The following VWA5B1 variants were observed in gnomAD, a reference collection of about 807,000 sequenced individuals.
VWA5B1 encodes the protein von Willebrand factor A domain containing 5B1.
Under a neutral mutation model 118.2 loss-of-function variants are expected in VWA5B1, and 115 were observed. That is an observed-to-expected ratio of 0.97 (90% CI 0.84 to 1.14). The LOEUF (loss-of-function observed/expected upper bound fraction) is 1.14. VWA5B1 is among the 50% of genes most tolerant of loss of function. The pLI is 0.00. For missense variants in VWA5B1, 1,596 were observed against 1,603.8 expected, an observed-to-expected ratio of 1.00 and a Z score of 0.08; for synonymous variants, 682 against 658.4, an observed-to-expected ratio of 1.04 and a Z score of -0.55.
At chr1:20,292,567 G>A (rs546416752) in intron 1 of VWA5B1, among the ~76,000 whole-genome samples, 92 of 152,346 alleles carry the variant, frequency 6.0e-4, no homozygotes, top group African/African-American at 2.0e-3. Context: ...ATGTGTTTAC[G>A]TGTTTGTGGG....
intron 11 of VWA5B1, among the ~76,000 whole-genome samples, chr1:20,331,275 T>C (rs1258788881): frequency 1.3e-5 from 2 of 152,204 alleles, no homozygotes; most frequent in African/African-American, 4.8e-5. Context: ...ATTGAAGTTG[T>C]GTTTGAGGTC....
chr1:20,339,729 C>T (rs569221420), intron 14 of VWA5B1, among the ~76,000 whole-genome samples: 1 of 151,876 alleles, frequency 6.6e-6, no homozygotes, highest in African/African-American at 2.4e-5. Flanking sequence ...AGGGACACTG[C>T]AATCTTATCC....
chr1:20,345,011 C>T (rs4654858), intron 16 of VWA5B1, among the ~76,000 whole-genome samples: 47,667 of 152,080 alleles, frequency 0.31, 7,770 homozygotes, highest in East Asian at 0.39. Context: ...CACCACTCTC[C>T]TCTGATTTGC....
chr1:20,319,590 G>T, intron 7 of VWA5B1, 84 bp downstream of exon 7: 1 of 1,517,872 alleles, frequency 6.6e-7, no homozygotes, highest in East Asian at 2.5e-5. Context: ...AGTGAGGTGG[G>T]GAGGTAACCT....
chr1:20,297,318 G>A (rs181800965), intron 1 of VWA5B1, among the ~76,000 whole-genome samples: 14 of 152,334 alleles, frequency 9.2e-5, no homozygotes, highest in African/African-American at 2.9e-4. Context: ...TGCCTCTAAC[G>A]GAGGCTCCTT....
rs112696373 is a variant in VWA5B1 at position 20,310,727 on chromosome 1, C to T, written c.126C>T (p.Ala42=). The T allele has an allele frequency of 5.8e-6, 9 of 1,547,852 alleles. No homozygotes were observed. In the African/African-American group the frequency reaches 6.8e-5, roughly 12 times the overall value. The stretch of plus-strand genomic sequence containing the variant: ...CCCTCACCTATGGCAACCTGGAAGC[C>T]CAGCCCTTCCAGGGTAAGGACACCT... ...TASLTYGNLE[A]QPFQGLFVYP... The change falls in exon 2 of 22, where the codon GCC becomes GCT. Residue 42 remains alanine (A), a synonymous_variant. Transcript: ENST00000289815.
chr1:20,309,283 C>T (rs546532779), intron 1 of VWA5B1, among the ~76,000 whole-genome samples: 4 of 152,208 alleles, frequency 2.6e-5, no homozygotes, highest in African/African-American at 7.2e-5. Context: ...TAACAGACAT[C>T]GCTCAGAAAC....
At chr1:20,313,293 A>G (rs1015603475) in intron 3 of VWA5B1, among the ~76,000 whole-genome samples, 3 of 152,250 alleles carry the variant, frequency 2.0e-5, no homozygotes, top group East Asian at 1.9e-4. Context: ...ACAGAATAAC[A>G]TATCTTTTAA....
At chr1:20,331,425 T>G (rs1459207287) in intron 11 of VWA5B1, among the ~76,000 whole-genome samples, 1 of 152,218 alleles carries the variant, frequency 6.6e-6, no homozygotes, top group Non-Finnish European at 1.5e-5. Flanking sequence ...AATCCCCTTG[T>G]CAGTCCAGTA....
At chr1:20,310,508 C>T (rs372073656) in intron 1 of VWA5B1, 68 bp from the exon 2 acceptor site, 91 of 1,389,102 alleles carry the variant, frequency 6.6e-5, no homozygotes, top group East Asian at 4.9e-4. Flanking sequence ...GTGTCTGAAA[C>T]GGGAAAACTA....
chr1:20,358,367 T>C lies in VWA5B1; in HGVS notation c.*4104T>C, dbSNP rs1291342304. On this transcript the variant is annotated 3_prime_UTR_variant, in exon 22 of 22. Transcript: ENST00000289815. The stretch of plus-strand genomic sequence containing the variant: ...GTTTCCTCTAGATCCTGACTTGCCC[T>C]CTGTTAATCCCTACCCTTATTTGAG... 1.3e-5 allele frequency among the ~76,000 whole-genome samples: 2 copies of C among 152,206 alleles called. No homozygotes were observed. The highest frequency in any genetic ancestry group is 4.8e-5 in the African/African-American group (2 of 41,454).
At position 20,318,691 on chromosome 1, in the gene VWA5B1, C is replaced by T. The variant is rs377682379; in HGVS notation, c.811C>T (p.Arg271Trp). 4.8e-5 allele frequency: 74 copies of T among 1,527,798 alleles called. No individual in the cohort carries two copies. In the Middle Eastern group the frequency reaches 8.5e-4, roughly 18 times the overall value. 94.6% of individuals were successfully genotyped at this position (1,527,798 alleles called of 1,614,324 possible). The change falls in exon 6 of 22, where the codon CGG (arginine) becomes TGG (tryptophan). Residue 271 changes from arginine to tryptophan, a missense_variant. By Grantham distance (101) the Arg-to-Trp change is moderately radical. Transcript: ENST00000289815. Reference sequence around the variant, plus strand: ...CTTGGCCAACAAGCACACCTTTGACCGGCCTGTGGAGATCCTCATCCACCC... The same window carrying T: ...CTTGGCCAACAAGCACACCTTTGACTGGCCTGTGGAGATCCTCATCCACCC... ...ITLANKHTFDRPVEILIHPSE... is the reference protein window; with the variant it reads ...ITLANKHTFDWPVEILIHPSE...
rs765071884 is a variant in VWA5B1 at position 20,354,246 on chromosome 1, A to G, written c.3631A>G (p.Asn1211Asp). The G allele has an allele frequency of 2.6e-6, 4 of 1,547,294 alleles. No individual in the cohort carries two copies. Among genetic ancestry groups the G allele is most frequent in the Middle Eastern group, 1.7e-4 (1 of 5,972 alleles). The change falls in exon 22 of 22, where the codon AAC becomes GAC. Residue 1211 changes from asparagine to aspartate, a missense_variant. Physicochemically the swap from Asn to Asp is conservative, Grantham distance 23. Coordinates refer to ENST00000289815, the MANE Select transcript of VWA5B1 (RefSeq NM_001039500.3). The stretch of plus-strand genomic sequence containing the variant: ...TCTCGAGTTCAATATGCTCTGCTAT[A>G]ACCCGAATTATGTGTAGTTGAGTGA... ...ENLEFNMLCY[N>D]PNYV
rs2101037310 is a variant in VWA5B1, at chr1:20,355,686, T to C, written c.*1423T>C. Among the ~76,000 whole-genome samples the C allele has an allele frequency of 6.6e-6, 1 of 152,304 alleles. No homozygotes were observed. Among genetic ancestry groups the C allele is most frequent in the Admixed American group, 6.5e-5 (1 of 15,308 alleles). On this transcript the variant is annotated 3_prime_UTR_variant, in exon 22 of 22. Transcript: ENST00000289815. ...GCGCAAGCCCCGGCCTCAGGAAGAC[T>C]CGAGGGGTGTGCAGCCTCCAGCAGG...
chr1:20,349,083 A>AT, intron 18 of VWA5B1: 2 of 338,460 alleles, frequency 5.9e-6, no homozygotes, highest in South Asian at 2.2e-5. Context: ...GACCATAAGG[A>AT]TTTTTTTATT....
chr1:20,339,064 G>T (rs4655198), intron 14 of VWA5B1: 9,556 of 152,278 alleles, frequency 0.063, 371 homozygotes, highest in Admixed American at 0.093. Context: ...GCAATTCTGT[G>T]CACTGTAGAA....
intron 1 of VWA5B1, among the ~76,000 whole-genome samples, chr1:20,300,691 C>T (rs1285658641): frequency 6.6e-6 from 1 of 152,232 alleles, no homozygotes; most frequent in Non-Finnish European, 1.5e-5. Context: ...ATGAAAAGCA[C>T]TTAGAATGCC....
intron 14 of VWA5B1, 83 bp downstream of exon 14, chr1:20,337,919 C>T (rs1024542320): frequency 9.2e-6 from 14 of 1,517,386 alleles, no homozygotes; most frequent in African/African-American, 8.3e-5. Flanking sequence ...AACCGCAGGA[C>T]GTGGCCATCC....
In VWA5B1 at chr1:20,354,549, T is replaced by C. The variant is rs1042706303; in HGVS notation, c.*286T>C. On this transcript the variant is annotated 3_prime_UTR_variant, in exon 22 of 22. Coordinates refer to ENST00000289815, the MANE Select transcript of VWA5B1 (RefSeq NM_001039500.3). ...GAGTGGATCTCAAATGGTTCAGTGGTTCCTTTCTGCCCATTCAGGCAGTCC... is the reference window on the plus strand; with the variant it reads ...GAGTGGATCTCAAATGGTTCAGTGGCTCCTTTCTGCCCATTCAGGCAGTCC... 13 of 426,068 alleles carry C rather than the reference T, an allele frequency of 3.1e-5. No individual in the cohort carries two copies. Among genetic ancestry groups the C allele is most frequent in the Non-Finnish European group, 5.5e-5 (13 of 234,788 alleles). The allele number at this position is 426,068 out of a possible 1,614,324, so 26.4% of individuals were successfully genotyped here. A position where few individuals can be genotyped will look rare whatever the true frequency, so the allele number is the denominator to read the frequency against.
Sources: gnomAD v4.1 joint callset for allele counts (sites outside exome capture counted in the v4.1 genomes callset) on GRCh38, gnomAD v4.1.1 for gene constraint, MANE v1.5 for transcripts, NCBI Gene and HGNC (gene_info 2026-07-23, HGNC 2026-07-21) for gene names.